The following CSPG5 variants were observed in gnomAD, a reference collection of about 807,000 sequenced individuals.
CSPG5 encodes chondroitin sulfate proteoglycan 5.
CSPG5 carries 25 observed loss-of-function variants against 39.8 expected under a neutral mutation model. The ratio of observed to expected loss-of-function variants is 0.63; its 90% CI spans 0.46 to 0.88. The LOEUF (loss-of-function observed/expected upper bound fraction) is 0.88, where lower values mean the gene tolerates loss of function less well. Ranked by LOEUF, CSPG5 falls within the 40% of genes least tolerant of loss-of-function variation. CSPG5 has a pLI of 0.00. For synonymous variants in CSPG5, 295 were observed against 303.9 expected (o/e 0.97, Z 0.31); for missense variants, 627 against 702.2 (o/e 0.89, Z 1.21).
intron 4 of CSPG5, among the ~76,000 whole-genome samples, chr3:47,567,665 A>T (rs1334881553): frequency 1.3e-5 from 2 of 152,192 alleles, no homozygotes; most frequent in Non-Finnish European, 2.9e-5. Context: ...ATGAGGCCAC[A>T]CATTTACTCT....
Position 47,577,556 on chromosome 3 carries a change from G to A in CSPG5, c.470C>T (p.Pro157Leu). ...TEASGPPSPTPGDKLSPASEL... is the reference protein window; with the variant it reads ...TEASGPPSPTLGDKLSPASEL... ...AGAAGCTGGGCTCAGCTTGTCGCCG[G>A]GGGTGGGGGAGGGTGGCCCGCTGGC... The change falls in exon 2 of 5, where the codon CCC becomes CTC. Residue 157 changes from proline to leucine, a missense_variant. Physicochemically the swap from Pro to Leu is moderately conservative, Grantham distance 98. Transcript: ENST00000264723. The surrounding 1 kb of genome is among the most constrained non-coding windows in gnomAD (Gnocchi z 4.7). 1 of 1,610,766 alleles carries A rather than the reference G, an allele frequency of 6.2e-7. No individual in the cohort carries two copies. Among genetic ancestry groups the A allele is most frequent in the South Asian group, 1.1e-5 (1 of 90,888 alleles).
In CSPG5 at chr3:47,577,774, C is replaced by A. The variant is rs1180595010; in HGVS notation, c.252G>T (p.Gly84=). The change falls in exon 2 of 5, where the codon GGG becomes GGT. Residue 84 remains glycine, a synonymous_variant. Transcript: ENST00000264723. The surrounding 1 kb of genome is among the most constrained non-coding windows in gnomAD (Gnocchi z 4.7). ...SWTAPGGELA[G]PEEVLQESAA... is the part of the protein sequence containing the mutation. ...CCGACTCCTGCAGCACCTCTTCTGG[C>A]CCGGCCAGCTCGCCACCGGGCGCCG... The A allele has an allele frequency of 1.9e-6, 3 of 1,587,620 alleles. No homozygotes were observed. Among genetic ancestry groups the A allele is most frequent in the Admixed American group, 1.7e-5 (1 of 57,762 alleles).
intron 2 of CSPG5, among the ~76,000 whole-genome samples, chr3:47,573,153 T>G (rs1463303513): frequency 1.3e-5 from 2 of 152,222 alleles, no homozygotes; most frequent in Non-Finnish European, 2.9e-5. Context: ...GTTCTCTGAC[T>G]GCTAAGTGAC....
chr3:47,564,074 C>G (rs979125027), intron 4 of CSPG5, among the ~76,000 whole-genome samples: 1 of 152,206 alleles, frequency 6.6e-6, no homozygotes, highest in Admixed American at 6.5e-5. Context: ...TGATAGAAGA[C>G]AGTGTGTAAC....
At position 47,577,026 on chromosome 3, in the gene CSPG5, C is replaced by G. The variant is rs142769230; in HGVS notation, c.1000G>C (p.Gly334Arg). The change falls in exon 2 of 5, where the codon GGC (glycine) becomes CGC (arginine). Residue 334 changes from glycine to arginine, a missense_variant. Transcript: ENST00000264723. This position sits in a 1 kb window ranked among gnomAD's most constrained non-coding sequence, Gnocchi z 4.7. ...PPQHTLGSVPGSSIALRPRPG... is the reference protein window; with the variant it reads ...PPQHTLGSVPRSSIALRPRPG... ...CGGGGCCTGAGGGCGATGCTGCTGCCGGGGACCGACCCCAGAGTGTGCTGT... is the reference window on the plus strand; with the variant it reads ...CGGGGCCTGAGGGCGATGCTGCTGCGGGGGACCGACCCCAGAGTGTGCTGT... 7 of 1,612,786 alleles carry G rather than the reference C, an allele frequency of 4.3e-6. No individual in the cohort carries two copies. The highest frequency in any genetic ancestry group is 1.3e-5 in the African/African-American group (1 of 75,044).
At chr3:47,569,036 T>C (rs1386966949) in intron 4 of CSPG5, 116 bp downstream of exon 4, 2 of 1,447,880 alleles carry the variant, frequency 1.4e-6, no homozygotes, top group East Asian at 2.6e-5. Context: ...GGCCAAAGCA[T>C]GCATAAGAGG....
At position 47,578,424 on chromosome 3, in the gene CSPG5, G is replaced by A. The variant is rs936413538; in HGVS notation, c.97+173C>T. Among the ~76,000 whole-genome samples the A allele has an allele frequency of 3.3e-5, 5 of 149,758 alleles. No homozygotes were observed. Among genetic ancestry groups the A allele is most frequent in the African/African-American group, 9.8e-5 (4 of 40,852 alleles). ...CCGGGGTCGGCCCCCACGCGGGTCG[G>A]CCTTTCCCGGACCCCCACCACCTCC... On this transcript the variant is annotated intron_variant, in intron 1 of 4. Transcript: ENST00000264723. This position sits in a 1 kb window ranked among gnomAD's most constrained non-coding sequence, Gnocchi z 6.0.
intron 4 of CSPG5, 26 bp from the exon 5 acceptor site, chr3:47,562,787 G>T (rs185202804): frequency 3.8e-6 from 6 of 1,572,698 alleles, no homozygotes; most frequent in African/African-American, 1.4e-5. Flanking sequence ...AGTTGGGGGG[G>T]GGGAGACAAT....
Position 47,562,305 on chromosome 3 carries a change from A to T in CSPG5, c.*295T>A. 3.9e-6 allele frequency: 1 copy of T among 255,312 alleles called. No homozygotes were observed. Among genetic ancestry groups the T allele is most frequent in the Non-Finnish European group, 7.3e-6 (1 of 136,818 alleles). 15.8% of individuals were successfully genotyped at this position (255,312 alleles called of 1,614,324 possible). ...TGGTATTTCAAAAAAACGTGGGTCA[A>T]AGTACAAAAAAAAGTCAGTTGAATA... On this transcript the variant is annotated 3_prime_UTR_variant, in exon 5 of 5. Coordinates refer to ENST00000264723, the MANE Select transcript of CSPG5 (RefSeq NM_006574.4).
At chr3:47,575,140 C>T (rs2031665177) in intron 2 of CSPG5, among the ~76,000 whole-genome samples, 1 of 151,096 alleles carries the variant, frequency 6.6e-6, no homozygotes, top group South Asian at 2.1e-4. Context: ...AAAAGAGATA[C>T]CCTGGCCGGG....
chr3:47,577,512 G>T lies in CSPG5; in HGVS notation c.514C>A (p.Pro172Thr), dbSNP rs1276425305. 3 of 1,612,922 alleles carry T rather than the reference G, an allele frequency of 1.9e-6. No homozygotes were observed. The highest frequency in any genetic ancestry group is 8.5e-7 in the Non-Finnish European group (1 of 1,179,636). Residue 172 changes from proline (P) to threonine (T), a missense_variant, in exon 2 of 5, where the codon CCC becomes ACC. Pro to Thr is a conservative substitution (Grantham distance 38). Transcript: ENST00000264723. This position sits in a 1 kb window ranked among gnomAD's most constrained non-coding sequence, Gnocchi z 4.7. ...CCCAGGTTCAGCCAAACCTCCAAGG[G>T]GCTCTCCTTGGGGAGTTCAGAAGCT... ...SPASELPKES[P>T]LEVWLNLGGS...
Position 47,578,781 on chromosome 3 carries a change from G to A in CSPG5, c.-88C>T, listed in dbSNP as rs933509557. 112 of 203,974 alleles carry A rather than the reference G, an allele frequency of 5.5e-4. 2 individuals are homozygous for A. The highest frequency in any genetic ancestry group is 2.5e-3 in the African/African-American group (104 of 41,866). The allele number at this position is 203,974 out of a possible 1,614,324, so 12.6% of individuals were successfully genotyped here. On this transcript the variant is annotated 5_prime_UTR_variant, in exon 1 of 5. Coordinates refer to ENST00000264723, the MANE Select transcript of CSPG5 (RefSeq NM_006574.4). This position sits in a 1 kb window ranked among gnomAD's most constrained non-coding sequence, Gnocchi z 6.0. Reference sequence around the variant, plus strand: ...CCGCCGCGCCTCCCGCCGGTTCTGCGGCCGCCTCAGCCCACGATGGGCAGC... The same window carrying A: ...CCGCCGCGCCTCCCGCCGGTTCTGCAGCCGCCTCAGCCCACGATGGGCAGC...
intron 2 of CSPG5, among the ~76,000 whole-genome samples, chr3:47,576,114 T>G (rs1051651093): frequency 3.3e-5 from 5 of 152,084 alleles, no homozygotes; most frequent in Admixed American, 2.0e-4. Context: ...TTTTTATGTT[T>G]TTAGTAGAGA....
chr3:47,566,694 G>T, intron 4 of CSPG5, among the ~76,000 whole-genome samples: 1 of 152,122 alleles, frequency 6.6e-6, no homozygotes, highest in East Asian at 1.9e-4. Context: ...ATAAAAAAAG[G>T]CACCAGCCTC....
chr3:47,570,618 C>T (rs1293529314), intron 3 of CSPG5, among the ~76,000 whole-genome samples: 1 of 151,646 alleles, frequency 6.6e-6, no homozygotes, highest in African/African-American at 2.4e-5. Context: ...CAAGCATTAT[C>T]TGGCTCAGCC....
At chr3:47,564,701 T>C (rs907813530) in intron 4 of CSPG5, among the ~76,000 whole-genome samples, 3 of 152,066 alleles carry the variant, frequency 2.0e-5, no homozygotes, top group South Asian at 2.1e-4. Flanking sequence ...CATACACTGA[T>C]TGAAAAAAAG....
chr3:47,575,100 A>T (rs1011426525), intron 2 of CSPG5, among the ~76,000 whole-genome samples: 3 of 152,050 alleles, frequency 2.0e-5, no homozygotes, highest in Non-Finnish European at 4.4e-5. Flanking sequence ...AGAACGAACA[A>T]GAACAAGAAG....
In CSPG5 at chr3:47,562,901, C is replaced by A. The variant is rs1481398554; in HGVS notation, c.1459-140G>T. 9 of 878,154 alleles carry A rather than the reference C, an allele frequency of 1.0e-5. No homozygotes were observed. In the African/African-American group the frequency reaches 1.4e-4, roughly 13 times the overall value. The allele number at this position is 878,154 out of a possible 1,614,324, so 54.4% of individuals were successfully genotyped here. A position where few individuals can be genotyped will look rare whatever the true frequency, so the allele number is the denominator to read the frequency against. ...AAGACTTGAATGAACTAAAAGGAAC[C>A]AAAGTAACTCATTAGCAGCAACTTT... is the stretch of plus-strand genomic sequence containing the variant. On this transcript the variant is annotated intron_variant, in intron 4 of 4. Transcript: ENST00000264723.
chr3:47,569,750 C>CTTTTTTTTTTTTTTTTTTCTTTTT (rs145182794), intron 3 of CSPG5, among the ~76,000 whole-genome samples: 1 of 134,814 alleles, frequency 7.4e-6, no homozygotes, highest in Non-Finnish European at 1.6e-5. Context: ...CTATTCTTTT[C>CTTTTTTTTTTTTTTTTTTCTTTTT]TTTTTTTTTT....
Sources: gnomAD v4.1 joint callset for allele counts (sites outside exome capture counted in the v4.1 genomes callset) on GRCh38, gnomAD v4.1.1 for gene constraint, Gnocchi (gnomAD v3.1) non-coding constraint, MANE v1.5 for transcripts, NCBI Gene and HGNC (gene_info 2026-07-23, HGNC 2026-07-21) for gene names.